The following BCL11A variants were observed in gnomAD, a reference collection of about 807,000 sequenced individuals.
BCL11A encodes the protein B cell CLL/lymphoma 11A.
Under a neutral mutation model 55.9 loss-of-function variants are expected in BCL11A, and 2 were observed. That is an observed-to-expected ratio of 0.04 (90% CI 0.01 to 0.11). The LOEUF (loss-of-function observed/expected upper bound fraction) is 0.11, where lower values mean the gene tolerates loss of function less well. Among genes scored for constraint, BCL11A ranks in the 10% least tolerant of loss-of-function variants. The pLI is 1.00. For missense variants in BCL11A, 817 were observed against 1,137.1 expected (o/e 0.72, Z 4.05); for synonymous variants, 465 against 473.4 (o/e 0.98, Z 0.23).
At chr2:60,544,387 T>A (rs192097372) in intron 2 of BCL11A, 1 of 152,280 alleles carries the variant, frequency 6.6e-6, no homozygotes, top group Non-Finnish European at 1.5e-5. Flanking sequence ...CATTCCCACA[T>A]CCTGCTGGGG....
intron 2 of BCL11A, among the ~76,000 whole-genome samples, chr2:60,529,122 T>C (rs1394162256): frequency 2.0e-5 from 3 of 152,184 alleles, no homozygotes; most frequent in Non-Finnish European, 4.4e-5. Context: ...CTGAGCTCTT[T>C]AGACCCCCAC....
chr2:60,490,424 C>T lies in BCL11A; in HGVS notation c.386-21591G>A, dbSNP rs111575474. Among the ~76,000 whole-genome samples the T allele has an allele frequency of 4.0e-3, 613 of 152,306 alleles. 6 individuals are homozygous for T. The highest frequency in any genetic ancestry group is 0.014 in the African/African-American group (581 of 41,560). The stretch of plus-strand genomic sequence containing the variant: ...ATTTTCTATTCCAGTCTTAGTTCCC[C>T]GTACCCATCAAGGAAAATATTCTGC... On this transcript the variant is annotated intron_variant, in intron 2 of 3. Transcript: ENST00000642384.
rs1558533239 is a variant in BCL11A, at chr2:60,553,481, G to GAAAAAA, written c.-212_-211insTTTTTT. The GAAAAAA allele has an allele frequency of 1.5e-4, 1 of 6,670 alleles. No individual in the cohort carries two copies. Among genetic ancestry groups the GAAAAAA allele is most frequent in the African/African-American group, 8.1e-4 (1 of 1,232 alleles). The allele number at this position is 6,670 out of a possible 1,614,324, so 0.4% of individuals were successfully genotyped here. A position where few individuals can be genotyped will look rare whatever the true frequency, so the allele number is the denominator to read the frequency against. ...GAGAGCCGTCATGGCTTTTTTTTAA[G>GAAAAAA]CAAAAAAAAAAAAAAAAAAAAAAAA... On this transcript the variant is annotated 5_prime_UTR_variant, in exon 1 of 4. Transcript: ENST00000642384.
intron 2 of BCL11A, chr2:60,478,362 A>C (rs1572981658): frequency 6.6e-6 from 1 of 152,306 alleles, no homozygotes; most frequent in Non-Finnish European, 1.5e-5. Context: ...CTTCTGACAA[A>C]CCCCTCCCAC....
chr2:60,552,158 C>T (rs1346191731), intron 1 of BCL11A, among the ~76,000 whole-genome samples: 1 of 150,204 alleles, frequency 6.7e-6, no homozygotes, highest in Admixed American at 6.6e-5. Flanking sequence ...GTGGGGGAGT[C>T]AAAGAGAAGG....
chr2:60,468,007 G>GGTGGTGGTGGT (rs1341068198), intron 3 of BCL11A, among the ~76,000 whole-genome samples: 1 of 85,396 alleles, frequency 1.2e-5, no homozygotes, highest in African/African-American at 4.0e-5. Context: ...TGGTGGTGGT[G>GGTGGTGGTGGT]ATGGTGGTGG....
chr2:60,550,926 C>G lies in BCL11A; in HGVS notation c.55+2290G>C, dbSNP rs1305669758. 6 of 345,768 alleles carry G rather than the reference C, an allele frequency of 1.7e-5. No homozygotes were observed. The East Asian group carries it at 2.5e-4, about 14-fold the overall frequency. The allele number at this position is 345,768 out of a possible 1,614,324, so 21.4% of individuals were successfully genotyped here. On this transcript the variant is annotated intron_variant, in intron 1 of 3. Coordinates refer to ENST00000642384, the MANE Select transcript of BCL11A (RefSeq NM_022893.4). ...CGCGTCTGATCCGCATCCGGCGCGGCCGGGGGAGTTGGGGGCGGGGGAGAG... is the reference window on the plus strand; with the variant it reads ...CGCGTCTGATCCGCATCCGGCGCGGGCGGGGGAGTTGGGGGCGGGGGAGAG...
chr2:60,461,420 C>T lies in BCL11A; in HGVS notation c.1492G>A (p.Glu498Lys). 1 of 1,604,080 alleles carries T rather than the reference C, an allele frequency of 6.2e-7. No individual in the cohort carries two copies. ...GTCAGCTCCTCCTCCTCCTCTTCCT[C>T]CTCTTCTTCCTCTTCCTCGTCGTCC... ...EEDDEEEEEE[E>K]EEEEEELTES... The change falls in exon 4 of 4, where the codon GAG becomes AAG. Residue 498 changes from glutamate (E) to lysine (K), a missense_variant. Coordinates refer to ENST00000642384, the MANE Select transcript of BCL11A (RefSeq NM_022893.4).
chr2:60,549,512 AAAGTG>A (rs1418216751), intron 1 of BCL11A, among the ~76,000 whole-genome samples: 2 of 152,224 alleles, frequency 1.3e-5, no homozygotes, highest in Non-Finnish European at 2.9e-5. Context: ...GACCGTGCAG[AAAGTG>A]AAGTTGGGCG....
intron 2 of BCL11A, among the ~76,000 whole-genome samples, chr2:60,523,953 A>C (rs900241807): frequency 6.6e-6 from 1 of 152,176 alleles, no homozygotes; most frequent in Non-Finnish European, 1.5e-5. Flanking sequence ...CCCATCTTAA[A>C]CTTCAGCCAG....
intron 2 of BCL11A, chr2:60,537,038 C>T (rs987391976): frequency 3.3e-5 from 5 of 152,230 alleles, no homozygotes; most frequent in African/African-American, 9.6e-5. Flanking sequence ...TGCTACCAGT[C>T]ACACAGCTCC....
At position 60,546,444 on chromosome 2, in the gene BCL11A, A is replaced by C. The variant is rs1670163918; in HGVS notation, c.56-144T>G. 2 of 716,542 alleles carry C rather than the reference A, an allele frequency of 2.8e-6. No homozygotes were observed. Among genetic ancestry groups the C allele is most frequent in the African/African-American group, 3.6e-5 (2 of 55,812 alleles). 44.4% of individuals were successfully genotyped at this position (716,542 alleles called of 1,614,324 possible). ...TATATAATACCCAGAAAATGTGAGC[A>C]TACAAAAAGTACAAGGATGTGAAGG... On this transcript the variant is annotated intron_variant, in intron 1 of 3. Coordinates refer to ENST00000642384, the MANE Select transcript of BCL11A (RefSeq NM_022893.4). This position sits in a 1 kb window ranked among gnomAD's most constrained non-coding sequence, Gnocchi z 4.1.
intron 2 of BCL11A, among the ~76,000 whole-genome samples, chr2:60,478,970 T>TG (rs968387100): frequency 9.7e-6 from 1 of 103,540 alleles, no homozygotes; most frequent in African/African-American, 2.9e-5. Context: ...TGTTTTTTGT[T>TG]TTTTTTTTTT....
intron 2 of BCL11A, among the ~76,000 whole-genome samples, chr2:60,519,816 C>A (rs1464257390): frequency 6.6e-6 from 1 of 152,216 alleles, no homozygotes; most frequent in Non-Finnish European, 1.5e-5. Flanking sequence ...TAAATTACTC[C>A]AATGACAAAG....
chr2:60,540,495 A>T (rs1669871010), intron 2 of BCL11A, among the ~76,000 whole-genome samples: 1 of 152,198 alleles, frequency 6.6e-6, no homozygotes, highest in South Asian at 2.1e-4. Context: ...CCCAAAGGAA[A>T]GCCAAAATTT....
intron 2 of BCL11A, chr2:60,541,827 A>C (rs1466160374): frequency 3.2e-6 from 2 of 629,812 alleles, no homozygotes; most frequent in Non-Finnish European, 5.7e-6. Flanking sequence ...AAATAAAGAG[A>C]AAAGAAAAAT....
intron 2 of BCL11A, among the ~76,000 whole-genome samples, chr2:60,485,490 C>G (rs1159609117): frequency 1.3e-5 from 2 of 152,204 alleles, no homozygotes; most frequent in African/African-American, 4.8e-5. Context: ...TGAGCCAGGG[C>G]AGACCCCATA....
At chr2:60,507,515 T>C (rs1351599684) in intron 2 of BCL11A, among the ~76,000 whole-genome samples, 1 of 152,078 alleles carries the variant, frequency 6.6e-6, no homozygotes, top group African/African-American at 2.4e-5. Context: ...GTGAAGTGCT[T>C]TTACATTTTC....
chr2:60,466,918 T>A (rs1676646838), intron 3 of BCL11A, among the ~76,000 whole-genome samples: 1 of 152,268 alleles, frequency 6.6e-6, no homozygotes, highest in African/African-American at 2.4e-5. Flanking sequence ...TAGCCATGCA[T>A]GATTCATACC....
Sources: allele counts gnomAD v4.1 joint callset (sites outside exome capture counted in the v4.1 genomes callset), GRCh38; gene constraint gnomAD v4.1.1; non-coding constraint Gnocchi (gnomAD v3.1); transcripts MANE v1.5; gene names NCBI Gene and HGNC (gene_info 2026-07-23, HGNC 2026-07-21).